Variants in BICC1 observed in about 807,000 individuals in gnomAD.
BICC1 encodes the protein protein bicaudal C homolog 1.
BICC1 carries 43 observed loss-of-function variants against 111.0 expected under a neutral mutation model. The observed-to-expected ratio is 0.39, with a 90% confidence interval of 0.30 to 0.50. The LOEUF (loss-of-function observed/expected upper bound fraction) is 0.50. Ranked by LOEUF, BICC1 falls within the 20% of genes least tolerant of loss-of-function variation. The pLI is 0.88. For synonymous variants in BICC1, 467 were observed against 434.4 expected, an observed-to-expected ratio of 1.07 and a Z score of -0.93; for missense variants, 1,091 against 1,203.2, an observed-to-expected ratio of 0.91 and a Z score of 1.38.
At chr10:58,525,808 TG>T (rs1842523925) in intron 1 of BICC1, among the ~76,000 whole-genome samples, 1 of 152,042 alleles carries the variant, frequency 6.6e-6, no homozygotes, top group East Asian at 1.9e-4. Context: ...TTTTCTGCCT[TG>T]AATTAGAGTT....
At chr10:58,728,486 A>G (rs1278577233) in intron 3 of BICC1, among the ~76,000 whole-genome samples, 1 of 151,806 alleles carries the variant, frequency 6.6e-6, no homozygotes, top group African/African-American at 2.4e-5. Flanking sequence ...CACTGCAGCT[A>G]CTCTCTTTAC....
chr10:58,801,832 T>C (rs1843557290), intron 14 of BICC1, among the ~76,000 whole-genome samples: 1 of 152,216 alleles, frequency 6.6e-6, no homozygotes, highest in Non-Finnish European at 1.5e-5. Context: ...AGTTCTCCTT[T>C]ATCTGTGTTT....
Position 58,828,983 on chromosome 10 carries a change from C to G in BICC1, c.*92C>G. On this transcript the variant is annotated 3_prime_UTR_variant, in exon 21 of 21. Coordinates refer to ENST00000373886, the MANE Select transcript of BICC1 (RefSeq NM_001080512.3). ...TTCACAGCACACCATCCTTAGCACT[C>G]TGGGTGTCTGGTATCAGGACCAAAG... 1 of 1,471,170 alleles carries G rather than the reference C, an allele frequency of 6.8e-7. No individual in the cohort carries two copies. The highest frequency in any genetic ancestry group is 9.2e-7 in the Non-Finnish European group (1 of 1,083,640). The allele number at this position is 1,471,170 out of a possible 1,614,324, so 91.1% of individuals were successfully genotyped here. A position where few individuals can be genotyped will look rare whatever the true frequency, so the allele number is the denominator to read the frequency against.
At chr10:58,522,235 AT>A (rs1308404658) in intron 1 of BICC1, among the ~76,000 whole-genome samples, 1 of 152,038 alleles carries the variant, frequency 6.6e-6, no homozygotes, top group Non-Finnish European at 1.5e-5. Flanking sequence ...TAAGTTAGGC[AT>A]AATAGATACC....
intron 1 of BICC1, among the ~76,000 whole-genome samples, chr10:58,600,695 C>G (rs963299955): frequency 3.3e-5 from 5 of 152,108 alleles, no homozygotes; most frequent in African/African-American, 9.7e-5. Flanking sequence ...AAGACCAACT[C>G]TCTTCTTCTG....
intron 3 of BICC1, among the ~76,000 whole-genome samples, chr10:58,761,274 C>T (rs915135682): frequency 6.6e-6 from 1 of 152,112 alleles, no homozygotes; most frequent in African/African-American, 2.4e-5. Flanking sequence ...GAGCCGAGTG[C>T]GGCTGGAAAG....
intron 3 of BICC1, among the ~76,000 whole-genome samples, chr10:58,768,483 G>T (rs1842520239): frequency 6.6e-6 from 1 of 151,798 alleles, no homozygotes; most frequent in African/African-American, 2.4e-5. Context: ...GAAATGAAAA[G>T]ACACCAATTA....
At chr10:58,687,689 T>C (rs899806592) in intron 2 of BICC1, among the ~76,000 whole-genome samples, 1 of 152,176 alleles carries the variant, frequency 6.6e-6, no homozygotes, top group Non-Finnish European at 1.5e-5. Context: ...ATATAATCTC[T>C]TGGTGTGCCA....
chr10:58,775,730 C>G (rs1364259922), intron 3 of BICC1, among the ~76,000 whole-genome samples: 3 of 152,130 alleles, frequency 2.0e-5, no homozygotes, highest in African/African-American at 7.2e-5. Flanking sequence ...CATGAAAAAA[C>G]TATTAACAGC....
intron 2 of BICC1, among the ~76,000 whole-genome samples, chr10:58,701,458 C>T (rs1331437038): frequency 6.6e-6 from 1 of 152,134 alleles, no homozygotes; most frequent in East Asian, 1.9e-4. Context: ...TTGAGACCTC[C>T]TAGACAGTGT....
chr10:58,695,357 A>G (rs182542586), intron 2 of BICC1, among the ~76,000 whole-genome samples: 2 of 152,294 alleles, frequency 1.3e-5, no homozygotes, highest in African/African-American at 4.8e-5. Flanking sequence ...TCCATGAAAT[A>G]ACTTTAAACA....
At chr10:58,618,442 A>T (rs1845690268) in intron 1 of BICC1, among the ~76,000 whole-genome samples, 1 of 152,246 alleles carries the variant, frequency 6.6e-6, no homozygotes, top group Admixed American at 6.5e-5. Flanking sequence ...AGGTATAATT[A>T]TCCTGCTGAC....
At chr10:58,754,508 G>A (rs750716054) in intron 3 of BICC1, among the ~76,000 whole-genome samples, 3 of 152,210 alleles carry the variant, frequency 2.0e-5, no homozygotes, top group Non-Finnish European at 4.4e-5. Flanking sequence ...TTTAAAGTGG[G>A]TGTTTCCTCA....
intron 4 of BICC1, 50 bp from the exon 5 acceptor site, chr10:58,786,873 C>T: frequency 7.3e-7 from 1 of 1,378,814 alleles, no homozygotes; most frequent in South Asian, 1.8e-5. Flanking sequence ...TTTAGGAGGT[C>T]ATTCTTTCCT....
At chr10:58,664,838 G>A (rs1043347951) in intron 2 of BICC1, among the ~76,000 whole-genome samples, 4 of 152,066 alleles carry the variant, frequency 2.6e-5, no homozygotes, top group African/African-American at 9.7e-5. Context: ...ATATAGGGGA[G>A]TGTGTCAGTA....
intron 3 of BICC1, among the ~76,000 whole-genome samples, chr10:58,709,373 A>G (rs528747496): frequency 6.6e-6 from 1 of 152,336 alleles, no homozygotes; most frequent in East Asian, 1.9e-4. Context: ...AAACTTTCAT[A>G]TGCGTCTGTT....
chr10:58,685,000 G>T (rs1490745436), intron 2 of BICC1, among the ~76,000 whole-genome samples: 3 of 151,952 alleles, frequency 2.0e-5, no homozygotes, highest in Admixed American at 1.3e-4. Flanking sequence ...TTCTCTTGTG[G>T]GCATTTAGTG....
At chr10:58,794,193 G>GTA (rs1217954433) in intron 9 of BICC1, among the ~76,000 whole-genome samples, 5 of 151,244 alleles carry the variant, frequency 3.3e-5, no homozygotes, top group Non-Finnish European at 7.4e-5. Flanking sequence ...GTGTGTGTGT[G>GTA]TGTGTGTGTG....
In BICC1 at chr10:58,606,944, GT is replaced by G. The variant is rs200781939; in HGVS notation, c.191-13909del. 9.4e-3 allele frequency among the ~76,000 whole-genome samples: 1,425 copies of G among 152,206 alleles called. 13 individuals are homozygous for G. The highest frequency in any genetic ancestry group is 0.016 in the Non-Finnish European group (1,063 of 68,000). On this transcript the variant is annotated intron_variant, in intron 1 of 20. Coordinates refer to ENST00000373886, the MANE Select transcript of BICC1 (RefSeq NM_001080512.3). ...TCCTCCTATATTTTATGTATGTCTT[GT>G]TCTTTCTGGGAGAATTTTTAAAAAT...
Sources: allele counts gnomAD v4.1 joint callset (sites outside exome capture counted in the v4.1 genomes callset), GRCh38; gene constraint gnomAD v4.1.1; transcripts MANE v1.5; gene names NCBI Gene and HGNC (gene_info 2026-07-23, HGNC 2026-07-21).